Variants in FZR1 observed in about 807,000 individuals in gnomAD.
FZR1 encodes the protein fizzy-related protein homolog.
Under a neutral mutation model 63.6 loss-of-function variants are expected in FZR1, and 11 were observed. The observed-to-expected ratio is 0.17, with a 90% CI of 0.11 to 0.29. The LOEUF (loss-of-function observed/expected upper bound fraction) is 0.29, where lower values mean the gene tolerates loss of function less well. Ranked by LOEUF, FZR1 falls within the 10% of genes least tolerant of loss-of-function variation. The pLI is 1.00. For missense variants in FZR1, 440 were observed against 687.5 expected (o/e 0.64, Z 4.03); for synonymous variants, 328 against 297.9 (o/e 1.10, Z -1.04).
intron 7 of FZR1, among the ~76,000 whole-genome samples, chr19:3,529,131 TGGGAGAGCGGATGGGAGAGC>T (rs2083199481): frequency 6.8e-5 from 9 of 131,778 alleles, no homozygotes; most frequent in African/African-American, 2.7e-4. Context: ...GGAGAGCGGA[TGGGAGAGCGGATGGGAGAGC>T]GGATGGGAGA....
At chr19:3,508,270 C>G (rs901686166) in intron 1 of FZR1, among the ~76,000 whole-genome samples, 1 of 143,584 alleles carries the variant, frequency 7.0e-6, no homozygotes, top group African/African-American at 2.6e-5. Flanking sequence ...GATCTCGGCT[C>G]ACCGCAACCT....
At chr19:3,532,717 C>T (rs1222681638) in intron 11 of FZR1, 67 bp downstream of exon 11, 12 of 1,052,444 alleles carry the variant, frequency 1.1e-5, no homozygotes. Flanking sequence ...CCTTACCTGC[C>T]ACCTGAGAGC....
rs923057152 is a variant in FZR1, at chr19:3,532,104, G to A, written c.1008+9G>A. ...GGGGCAACGACAACAAGGTACCCCC[G>A]CCCAGAGCCTGGGCTTCCCCTTCAC... On this transcript the variant is annotated intron_variant, in intron 10 of 13. Coordinates refer to ENST00000441788, the MANE Select transcript of FZR1 (RefSeq NM_016263.4). 11 of 1,494,392 alleles carry A rather than the reference G, an allele frequency of 7.4e-6. No individual in the cohort carries two copies. Among genetic ancestry groups the A allele is most frequent in the African/African-American group, 5.6e-5 (4 of 71,550 alleles). 92.6% of individuals were successfully genotyped at this position (1,494,392 alleles called of 1,614,324 possible).
At position 3,525,473 on chromosome 19, in the gene FZR1, C is replaced by T. The variant is rs557261415; in HGVS notation, c.70-395C>T. On this transcript the variant is annotated intron_variant, in intron 2 of 13. Coordinates refer to ENST00000441788, the MANE Select transcript of FZR1 (RefSeq NM_016263.4). The surrounding 1 kb of genome is among the most constrained non-coding windows in gnomAD (Gnocchi z 4.2). ...TTTTTTTTTTTTTGAGACGGAGTCT[C>T]GCTCTGTCGCCCAGGCTGGAGTGCA... 8.1e-4 allele frequency among the ~76,000 whole-genome samples: 93 copies of T among 115,464 alleles called. 1 individual carries two copies. Among genetic ancestry groups the T allele is most frequent in the South Asian group, 6.4e-3 (22 of 3,446 alleles). 75.7% of individuals were successfully genotyped at this position (115,464 alleles called of 152,430 possible). A position where few individuals can be genotyped will look rare whatever the true frequency, so the allele number is the denominator to read the frequency against.
At position 3,526,229 on chromosome 19, in the gene FZR1, GC is replaced by G. The variant is rs771195275; in HGVS notation, c.260-26del. 6 of 1,607,656 alleles carry G rather than the reference GC, an allele frequency of 3.7e-6. No homozygotes were observed. Among genetic ancestry groups the G allele is most frequent in the Non-Finnish European group, 5.1e-6 (6 of 1,176,916 alleles). ...GCCCTGCAGGCCCCCACCCTGCCTT[GC>G]CCCGCCTCACTGTGCTTGGTGCCCG... On this transcript the variant is annotated intron_variant, in intron 4 of 13. Coordinates refer to ENST00000441788, the MANE Select transcript of FZR1 (RefSeq NM_016263.4). The surrounding 1 kb of genome is among the most constrained non-coding windows in gnomAD (Gnocchi z 5.4).
At chr19:3,524,181 C>T (rs1177588202) in intron 2 of FZR1, among the ~76,000 whole-genome samples, 1 of 152,124 alleles carries the variant, frequency 6.6e-6, no homozygotes, top group East Asian at 1.9e-4. Context: ...GCCCTAGTGC[C>T]GACCCTCGGT....
chr19:3,521,270 A>C (rs965645955), intron 1 of FZR1: 1 of 152,138 alleles, frequency 6.6e-6, no homozygotes, highest in Non-Finnish European at 1.5e-5. Flanking sequence ...ACATAACTTT[A>C]TCATCACTTA....
Position 3,527,644 on chromosome 19 carries a change from C to T in FZR1, c.484C>T (p.Arg162Trp), listed in dbSNP as rs200022187. 1.2e-5 allele frequency: 20 copies of T among 1,608,348 alleles called. No homozygotes were observed. Among genetic ancestry groups the T allele is most frequent in the South Asian group, 2.2e-5 (2 of 90,986 alleles). The change falls in exon 7 of 14, where the codon CGG (arginine) becomes TGG (tryptophan). Residue 162 changes from arginine to tryptophan, a missense_variant. Physicochemically the swap from Arg to Trp is moderately radical, Grantham distance 101 (BLOSUM62 -3). This residue lies in a region of FZR1 where 200 missense variants were observed against 245.1 expected (regional missense o/e 0.82). Coordinates refer to ENST00000441788, the MANE Select transcript of FZR1 (RefSeq NM_016263.4). Reference sequence around the variant, plus strand: ...CCGCCTCTGCAGCCAGAAGCTGCTCCGGTCCCCCCGGAAACCCACCCGCAA... The same window carrying T: ...CCGCCTCTGCAGCCAGAAGCTGCTCTGGTCCCCCCGGAAACCCACCCGCAA... ...PVSNKSQKLL[R>W]SPRKPTRKIS... is the part of the protein sequence containing the mutation.
At position 3,525,432 on chromosome 19, in the gene FZR1, CTTTTT is replaced by C. The variant is rs57486013; in HGVS notation, c.70-412_70-408del. Among the ~76,000 whole-genome samples, 3 of 68,740 alleles carry C rather than the reference CTTTTT, an allele frequency of 4.4e-5. No homozygotes were observed. Among genetic ancestry groups the C allele is most frequent in the East Asian group, 4.6e-4 (1 of 2,158 alleles). The allele number at this position is 68,740 out of a possible 152,430, so 45.1% of individuals were successfully genotyped here. A position where few individuals can be genotyped will look rare whatever the true frequency, so the allele number is the denominator to read the frequency against. On this transcript the variant is annotated intron_variant, in intron 2 of 13. Transcript: ENST00000441788. This position sits in a 1 kb window ranked among gnomAD's most constrained non-coding sequence, Gnocchi z 4.2. ...TGTGTGGCTCCCCTCCTTGGGTTTT[CTTTTT>C]TTTTTTTTTTTTTTTTTTTTTTTGA...
chr19:3,522,427 C>T lies in FZR1; in HGVS notation c.-34-529C>T, dbSNP rs2083110910. Among the ~76,000 whole-genome samples, 8 of 152,174 alleles carry T rather than the reference C, an allele frequency of 5.3e-5. 1 individual carries two copies. The highest frequency in any genetic ancestry group is 3.9e-4 in the Admixed American group (6 of 15,284). The stretch of plus-strand genomic sequence containing the variant: ...ATGTTACCTTGGTTGTAGCTGAGTG[C>T]GGATGTGGCTTGTCCACAGGAGGCT... On this transcript the variant is annotated intron_variant, in intron 1 of 13. Transcript: ENST00000441788.
intron 1 of FZR1, among the ~76,000 whole-genome samples, chr19:3,520,262 G>C (rs1380324626): frequency 1.3e-5 from 2 of 152,050 alleles, no homozygotes; most frequent in African/African-American, 4.8e-5. Flanking sequence ...TGTGGGTGGG[G>C]AGAGGCCATT....
chr19:3,513,633 G>T (rs573842455), intron 1 of FZR1, among the ~76,000 whole-genome samples: 1 of 152,192 alleles, frequency 6.6e-6, no homozygotes, highest in Admixed American at 6.5e-5. Context: ...GTTTGCCTCT[G>T]TCCTAGCCCC....
rs58358364 is a variant in FZR1, at chr19:3,525,438, T to TCTTTTTC, written c.70-430_70-429insCTTTTTC. Among the ~76,000 whole-genome samples, 1 of 129,180 alleles carries TCTTTTTC rather than the reference T, an allele frequency of 7.7e-6. No individual in the cohort carries two copies. Among genetic ancestry groups the TCTTTTTC allele is most frequent in the Non-Finnish European group, 1.6e-5 (1 of 61,808 alleles). The allele number at this position is 129,180 out of a possible 152,430, so 84.7% of individuals were successfully genotyped here. A position where few individuals can be genotyped will look rare whatever the true frequency, so the allele number is the denominator to read the frequency against. ...GCTCCCCTCCTTGGGTTTTCTTTTT[T>TCTTTTTC]TTTTTTTTTTTTTTTTTTTTTTGAG... On this transcript the variant is annotated intron_variant, in intron 2 of 13. Transcript: ENST00000441788. The surrounding 1 kb of genome is among the most constrained non-coding windows in gnomAD (Gnocchi z 4.2).
In FZR1 at chr19:3,526,366, GAGA is replaced by G. The variant is rs1272636445; in HGVS notation, c.373_375del (p.Lys125del). Reference sequence around the variant, plus strand: ...CCGCAGGCTGCAGCCCTCCACGCCTGAGAAGAAGGGTCTGTTCACGGTAAGCCT... The same window carrying G: ...CCGCAGGCTGCAGCCCTCCACGCCTGAGAAGGGTCTGTTCACGGTAAGCCT... On this transcript the variant is annotated inframe_deletion, in exon 5 of 14. Coordinates refer to ENST00000441788, the MANE Select transcript of FZR1 (RefSeq NM_016263.4). The surrounding 1 kb of genome is among the most constrained non-coding windows in gnomAD (Gnocchi z 5.4). 1.9e-6 allele frequency: 3 copies of G among 1,596,062 alleles called. No homozygotes were observed. The highest frequency in any genetic ancestry group is 2.3e-5 in the East Asian group (1 of 43,742).
intron 1 of FZR1, among the ~76,000 whole-genome samples, chr19:3,509,823 A>C (rs2083012009): frequency 6.6e-6 from 1 of 151,946 alleles, no homozygotes; most frequent in Non-Finnish European, 1.5e-5. Context: ...CGTGATGTGG[A>C]GGCACCGGGT....
Position 3,535,275 on chromosome 19 carries a change from G to A in FZR1, c.*439G>A, listed in dbSNP as rs900908472. The A allele has an allele frequency of 4.3e-5, 7 of 164,110 alleles. No homozygotes were observed. The highest frequency in any genetic ancestry group is 3.2e-4 in the Admixed American group (5 of 15,850). 10.2% of individuals were successfully genotyped at this position (164,110 alleles called of 1,614,324 possible). On this transcript the variant is annotated 3_prime_UTR_variant, in exon 14 of 14. Coordinates refer to ENST00000441788, the MANE Select transcript of FZR1 (RefSeq NM_016263.4). Reference sequence around the variant, plus strand: ...CTGATTGGTGGGGGCCTGAGACCCCGGTTGCCCATTCATGGCTGCACCCCA... The same window carrying A: ...CTGATTGGTGGGGGCCTGAGACCCCAGTTGCCCATTCATGGCTGCACCCCA...
In FZR1 at chr19:3,525,966, C is replaced by T; in HGVS notation, c.168C>T (p.Asn56=). 2 of 1,612,388 alleles carry T rather than the reference C, an allele frequency of 1.2e-6. No homozygotes were observed. Among genetic ancestry groups the T allele is most frequent in the Non-Finnish European group, 1.7e-6 (2 of 1,179,816 alleles). Residue 56 remains asparagine (N), a synonymous_variant, in exon 3 of 14, where the codon AAC becomes AAT. Coordinates refer to ENST00000441788, the MANE Select transcript of FZR1 (RefSeq NM_016263.4). The surrounding 1 kb of genome is among the most constrained non-coding windows in gnomAD (Gnocchi z 4.2). ...DRFIPSRAGA[N]WSVNFHRINE... is the part of the protein sequence containing the mutation. ...TCATCCCCTCCAGAGCCGGAGCCAA[C>T]TGGAGCGTGAACTTCCACAGGATTA...
intron 2 of FZR1, among the ~76,000 whole-genome samples, chr19:3,524,808 C>T (rs1229415787): frequency 6.6e-6 from 1 of 152,150 alleles, no homozygotes; most frequent in African/African-American, 2.4e-5. Flanking sequence ...GTCCTGGAAC[C>T]ATCTGCTTGT....
At chr19:3,530,988 C>G (rs1246018003) in intron 8 of FZR1, 131 bp downstream of exon 8, 2 of 647,992 alleles carry the variant, frequency 3.1e-6, no homozygotes, top group African/African-American at 3.6e-5. Context: ...GTCTGTGTCC[C>G]CCACTGTCCC....
Sources: gnomAD v4.1 joint callset for allele counts (sites outside exome capture counted in the v4.1 genomes callset) on GRCh38, gnomAD v4.1.1 for gene constraint, gnomAD v4.1.1 regional missense constraint, Gnocchi (gnomAD v3.1) non-coding constraint, MANE v1.5 for transcripts, NCBI Gene and HGNC (gene_info 2026-07-23, HGNC 2026-07-21) for gene names.